The following SMAD6 variants were observed in gnomAD, a reference collection of about 807,000 sequenced individuals.
SMAD6 encodes SMAD family member 6, also known as MAD homolog 6.
Under a neutral mutation model 39.4 loss-of-function variants are expected in SMAD6, and 103 were observed. The observed-to-expected ratio is 2.62, with a 90% confidence interval of 2.23 to 3.08. The LOEUF (loss-of-function observed/expected upper bound fraction) is 3.08. Ranked by LOEUF, SMAD6 falls within the 30% of genes most tolerant of loss-of-function variation. The probability of loss-of-function intolerance (pLI) is 0.00; values close to 1 mark genes in which losing one functional copy is unlikely to be tolerated. For missense variants in SMAD6, 1,104 were observed against 742.9 expected (o/e 1.49, Z -5.65); for synonymous variants, 445 against 353.3 (o/e 1.26, Z -2.91).
intron 3 of SMAD6, among the ~76,000 whole-genome samples, chr15:66,757,915 G>C (rs960357715): frequency 3.3e-5 from 5 of 152,342 alleles, no homozygotes; most frequent in African/African-American, 1.2e-4. Flanking sequence ...ACAGCTCTCA[G>C]GCACGTGTGC....
intron 3 of SMAD6, among the ~76,000 whole-genome samples, chr15:66,763,557 C>T (rs572132219): frequency 1.3e-5 from 2 of 152,348 alleles, no homozygotes; most frequent in African/African-American, 4.8e-5. Context: ...GGGCCAGGAC[C>T]GACGCACCCT....
chr15:66,703,344 G>C lies in SMAD6; in HGVS notation c.86G>C (p.Gly29Ala), dbSNP rs1411192932. 11 of 1,482,052 alleles carry C rather than the reference G, an allele frequency of 7.4e-6. No homozygotes were observed. Among genetic ancestry groups the C allele is most frequent in the Non-Finnish European group, 9.0e-6 (10 of 1,116,282 alleles). The allele number at this position is 1,482,052 out of a possible 1,614,324, so 91.8% of individuals were successfully genotyped here. Residue 29 changes from glycine to alanine, a missense_variant, in exon 1 of 4, where the codon GGC (glycine) becomes GCC (alanine). Physicochemically the swap from Gly to Ala is moderately conservative, Grantham distance 60. Transcript: ENST00000288840. Reference sequence around the variant, plus strand: ...GACCGGGAGGAAGGCGGCAGCGGCGGCGGCGGTGGCGGCGACGAGGATGGG... The same window carrying C: ...GACCGGGAGGAAGGCGGCAGCGGCGCCGGCGGTGGCGGCGACGAGGATGGG... ...VPDREEGGSGGGGGGDEDGSL... is the reference protein window; with the variant it reads ...VPDREEGGSGAGGGGDEDGSL...
At chr15:66,765,459 G>C (rs747214942) in intron 3 of SMAD6, among the ~76,000 whole-genome samples, 1 of 152,174 alleles carries the variant, frequency 6.6e-6, no homozygotes, top group Non-Finnish European at 1.5e-5. Flanking sequence ...TCCTGACCTC[G>C]TGATCTGCCT....
chr15:66,706,337 C>G (rs1346108542), intron 1 of SMAD6: 1 of 152,404 alleles, frequency 6.6e-6, no homozygotes, highest in Non-Finnish European at 1.5e-5. Context: ...GGCGCTGTTG[C>G]CAGGGCTGCA....
rs1371462060 is a variant in SMAD6 at position 66,747,433 on chromosome 15, C to T, written c.952+30935C>T. ...CGTGGGGAACTAAGCCTGCTCCTCCCGGCTGGTCTTTGTGGGCCCTGGCCC... is the reference window on the plus strand; with the variant it reads ...CGTGGGGAACTAAGCCTGCTCCTCCTGGCTGGTCTTTGTGGGCCCTGGCCC... On this transcript the variant is annotated intron_variant, in intron 3 of 3. Transcript: ENST00000288840. The surrounding 1 kb of genome is among the most constrained non-coding windows in gnomAD (Gnocchi z 4.5). 2.6e-5 allele frequency among the ~76,000 whole-genome samples: 4 copies of T among 152,264 alleles called. No homozygotes were observed. The highest frequency in any genetic ancestry group is 1.9e-4 in the East Asian group (1 of 5,196).
intron 3 of SMAD6, among the ~76,000 whole-genome samples, chr15:66,757,466 G>A (rs1201405294): frequency 9.9e-5 from 15 of 152,216 alleles, no homozygotes; most frequent in Admixed American, 9.8e-4. Flanking sequence ...AGTGAGCAGA[G>A]GCCCAGAGAT....
intron 1 of SMAD6, among the ~76,000 whole-genome samples, chr15:66,711,312 G>A (rs1160793754): frequency 6.6e-6 from 1 of 152,144 alleles, no homozygotes; most frequent in African/African-American, 2.4e-5. Flanking sequence ...GGTGTTTTTG[G>A]ACAGGGCCAA....
intron 3 of SMAD6, among the ~76,000 whole-genome samples, chr15:66,768,324 G>A (rs1428085679): frequency 6.6e-6 from 1 of 152,108 alleles, no homozygotes; most frequent in African/African-American, 2.4e-5. Context: ...AAGGTCACCT[G>A]ATTCTGTCTA....
intron 3 of SMAD6, among the ~76,000 whole-genome samples, chr15:66,737,787 G>A (rs1893740523): frequency 1.3e-5 from 2 of 151,918 alleles, no homozygotes. Flanking sequence ...AGGCCCGTGT[G>A]GCAAACCCAG....
rs117452956 is a variant in SMAD6 at position 66,711,606 on chromosome 15, T to C, written c.818-62T>C. The C allele has an allele frequency of 5.1e-3, 6,437 of 1,254,504 alleles. 40 individuals are homozygous for C. The highest frequency in any genetic ancestry group is 6.4e-3 in the Non-Finnish European group (5,477 of 851,968). The allele number at this position is 1,254,504 out of a possible 1,614,324, so 77.7% of individuals were successfully genotyped here. ...TTTGGGAAACCAGTAATTAAAAGCA[T>C]GTAGAACCTGAGGTGTGAGCTCCCC... On this transcript the variant is annotated intron_variant, in intron 1 of 3. Coordinates refer to ENST00000288840, the MANE Select transcript of SMAD6 (RefSeq NM_005585.5).
chr15:66,742,504 C>G lies in SMAD6; in HGVS notation c.952+26006C>G, dbSNP rs569988894. Among the ~76,000 whole-genome samples the G allele has an allele frequency of 3.4e-3, 514 of 152,214 alleles. 2 individuals carry two copies. The highest frequency in any genetic ancestry group is 0.012 in the African/African-American group (496 of 41,538). On this transcript the variant is annotated intron_variant, in intron 3 of 3. Transcript: ENST00000288840. ...TGGTGGTCTTGGCCAGGACACTCAC[C>G]CTTGGGTCTCCCTGGCAGTGAGACC...
chr15:66,705,627 C>T (rs1476406825), intron 1 of SMAD6: 1 of 152,042 alleles, frequency 6.6e-6, no homozygotes, highest in African/African-American at 2.4e-5. Flanking sequence ...GGTGTATTCT[C>T]TTTCGCCACT....
At chr15:66,780,927 A>T in intron 3 of SMAD6, 70 bp from the exon 4 acceptor site, 1 of 1,442,332 alleles carries the variant, frequency 6.9e-7, no homozygotes, top group African/African-American at 1.4e-5. Flanking sequence ...AGCAGTGCCC[A>T]CCTCCGCTCC....
chr15:66,712,535 C>T (rs112588653), intron 2 of SMAD6, among the ~76,000 whole-genome samples: 3,089 of 151,964 alleles, frequency 0.02, 106 homozygotes, highest in African/African-American at 0.069. Flanking sequence ...AAAAATTAGC[C>T]GGGTGTTGTG....
At chr15:66,774,025 C>T (rs1363073151) in intron 3 of SMAD6, among the ~76,000 whole-genome samples, 2 of 152,158 alleles carry the variant, frequency 1.3e-5, no homozygotes, top group Non-Finnish European at 2.9e-5. Context: ...GCCTGCTCCC[C>T]TGCTGACCTA....
chr15:66,717,669 C>T (rs1477792817), intron 3 of SMAD6: 4 of 351,244 alleles, frequency 1.1e-5, no homozygotes, highest in East Asian at 7.5e-5. Flanking sequence ...GGCATGGGAG[C>T]TTACAAGAGT....
At chr15:66,721,705 A>G (rs182544290) in intron 3 of SMAD6, among the ~76,000 whole-genome samples, 13 of 152,364 alleles carry the variant, frequency 8.5e-5, no homozygotes, top group Admixed American at 3.9e-4. Context: ...GTCACACTGC[A>G]TGTGGTGGGT....
intron 3 of SMAD6, among the ~76,000 whole-genome samples, chr15:66,725,933 C>T (rs901339211): frequency 6.6e-6 from 1 of 152,224 alleles, no homozygotes; most frequent in Non-Finnish European, 1.5e-5. Context: ...TTCTCCCCCA[C>T]CTGCCACCCC....
chr15:66,763,547 G>A (rs1328977905), intron 3 of SMAD6, among the ~76,000 whole-genome samples: 4 of 152,280 alleles, frequency 2.6e-5, no homozygotes, highest in African/African-American at 9.6e-5. Flanking sequence ...TGTCCCTCTC[G>A]GGCCAGGACC....
Sources: allele counts gnomAD v4.1 joint callset (sites outside exome capture counted in the v4.1 genomes callset), GRCh38; gene constraint gnomAD v4.1.1; non-coding constraint Gnocchi (gnomAD v3.1); transcripts MANE v1.5; gene names NCBI Gene and HGNC (gene_info 2026-07-23, HGNC 2026-07-21).